Variants in MME observed in about 807,000 individuals in gnomAD.
MME encodes membrane metalloendopeptidase, also known as neprilysin.
In MME, 98 loss-of-function variants were observed where a neutral mutation model predicts 113.2. The ratio of observed to expected loss-of-function variants is 0.87; its 90% CI spans 0.74 to 1.02. The LOEUF is 1.02. Among genes scored for constraint, MME ranks in the 50% least tolerant of loss-of-function variants. The pLI is 0.00. For synonymous variants in MME, 292 were observed against 300.6 expected, an observed-to-expected ratio of 0.97 and a Z score of 0.30; for missense variants, 836 against 896.0, an observed-to-expected ratio of 0.93 and a Z score of 0.86.
chr3:155,127,251 G>T (rs1576619313), intron 8 of MME, among the ~76,000 whole-genome samples: 1 of 152,180 alleles, frequency 6.6e-6, no homozygotes. Context: ...TCCAGATGAG[G>T]CAGGAAGCTC....
intron 17 of MME, among the ~76,000 whole-genome samples, chr3:155,161,424 G>C (rs1353250230): frequency 1.3e-5 from 2 of 151,854 alleles, no homozygotes; most frequent in Non-Finnish European, 2.9e-5. Flanking sequence ...AGAGTCTGTT[G>C]TAAGCCTCAT....
rs568759368 is a variant in MME, at chr3:155,074,585, C to T, written c.-10-9573C>T. 2.7e-4 allele frequency among the ~76,000 whole-genome samples: 41 copies of T among 152,122 alleles called. No homozygotes were observed. The South Asian group carries it at 6.9e-3, about 25-fold the overall frequency. The stretch of plus-strand genomic sequence containing the variant: ...TAGCTGGGATTACAAGCACGTGCCA[C>T]GACACCCATCAGATTTTTGTATTTT... On this transcript the variant is annotated intron_variant, in intron 1 of 22. Coordinates refer to the MME transcript ENST00000492661.
chr3:155,182,933 G>A lies in MME; in HGVS notation c.*2474G>A, dbSNP rs886204035. 2.6e-5 allele frequency: 4 copies of A among 152,162 alleles called. No homozygotes were observed. Among genetic ancestry groups the A allele is most frequent in the East Asian group, 1.9e-4 (1 of 5,194 alleles). 9.4% of individuals were successfully genotyped at this position (152,162 alleles called of 1,614,324 possible). A position where few individuals can be genotyped will look rare whatever the true frequency, so the allele number is the denominator to read the frequency against. ...CTTCTGATGTCTCTAAAGCACTACC[G>A]ATTCTTTGGAGTTGTCACATCAGAT... On this transcript the variant is annotated 3_prime_UTR_variant, in exon 23 of 23. Transcript: ENST00000360490.
Position 155,140,264 on chromosome 3 carries a change from A to G in MME, c.929A>G (p.Asn310Ser), listed in dbSNP as rs1243617348. 1 of 1,612,504 alleles carries G rather than the reference A, an allele frequency of 6.2e-7. No homozygotes were observed. Among genetic ancestry groups the G allele is most frequent in the South Asian group, 1.1e-5 (1 of 91,040 alleles). Reference sequence around the variant, plus strand: ...AAGATGACATTGGCCCAGATCCAAAATAACTTTTCACTAGAGATCAATGGG... The same window carrying G: ...AAGATGACATTGGCCCAGATCCAAAGTAACTTTTCACTAGAGATCAATGGG... ...YNKMTLAQIQ[N>S]NFSLEINGKP... is the part of the protein sequence containing the mutation. Residue 310 changes from asparagine (N) to serine (S), a missense_variant, in exon 10 of 23, where the codon AAT becomes AGT. By Grantham distance (46) the Asn-to-Ser change is conservative (BLOSUM62 1). Coordinates refer to ENST00000360490, the MANE Select transcript of MME (RefSeq NM_007289.4).
At chr3:155,079,468 G>A (rs1397653243), upstream of MME, among the ~76,000 whole-genome samples, 1 of 152,066 alleles carries the variant, frequency 6.6e-6, no homozygotes, top group Non-Finnish European at 1.5e-5. Context: ...GGTGAGATGG[G>A]GGGTGGGGAG....
chr3:155,139,164 A>G (rs1000771323), intron 9 of MME, among the ~76,000 whole-genome samples: 3 of 152,154 alleles, frequency 2.0e-5, no homozygotes, highest in African/African-American at 7.2e-5. Context: ...TCTGTGTTGG[A>G]AACAGACTTG....
intron 3 of MME, among the ~76,000 whole-genome samples, chr3:155,111,771 C>A (rs2088683311): frequency 6.6e-6 from 1 of 152,054 alleles, no homozygotes; most frequent in Non-Finnish European, 1.5e-5. Context: ...GCTTTCATTT[C>A]CCCAGAAAGA....
intron 1 of MME, among the ~76,000 whole-genome samples, chr3:155,043,503 T>C (rs987939157): frequency 2.6e-5 from 4 of 151,980 alleles, no homozygotes; most frequent in Admixed American, 6.6e-5. Flanking sequence ...CGGCCAATTA[T>C]GTATTTTTAG....
chr3:155,140,504 C>T (rs1720997849), intron 10 of MME, among the ~76,000 whole-genome samples: 2 of 148,780 alleles, frequency 1.3e-5, no homozygotes, highest in Admixed American at 1.4e-4. Context: ...GTAACGTCCA[C>T]CTCCCAGGCT....
At chr3:155,085,764 C>T (rs1368481874) in intron 3 of MME, 1 of 152,332 alleles carries the variant, frequency 6.6e-6, no homozygotes, top group East Asian at 1.9e-4. Context: ...CTCCTGCCCT[C>T]AGGTGATCTG....
At chr3:155,077,354 G>A (rs1714781209), upstream of MME, among the ~76,000 whole-genome samples, 1 of 152,080 alleles carries the variant, frequency 6.6e-6, no homozygotes, top group South Asian at 2.1e-4. Flanking sequence ...GCCACCAGGA[G>A]GGCTACTTTC....
At chr3:155,094,017 T>C (rs1716513492) in intron 3 of MME, among the ~76,000 whole-genome samples, 1 of 152,232 alleles carries the variant, frequency 6.6e-6, no homozygotes, top group Admixed American at 6.5e-5. Context: ...TTATTTTATG[T>C]ATCCCTCTAA....
At position 155,142,223 on chromosome 3, in the gene MME, T is replaced by C. The variant is rs750991929; in HGVS notation, c.1095-14T>C. On this transcript the variant is annotated splice_polypyrimidine_tract_variant and intron_variant, in intron 11 of 22. Transcript: ENST00000360490. ...CATCTTTTCTGTTGCTGGGCGGTGG[T>C]TTTTTTTATACAGAGATCTTCAAAA... 1.2e-6 allele frequency: 2 copies of C among 1,611,380 alleles called. No homozygotes were observed. Among genetic ancestry groups the C allele is most frequent in the Non-Finnish European group, 1.7e-6 (2 of 1,177,814 alleles).
intron 12 of MME, among the ~76,000 whole-genome samples, 171 bp from the exon 13 acceptor site, chr3:155,143,272 G>A (rs150450931): frequency 2.2e-4 from 33 of 152,140 alleles, no homozygotes; most frequent in Admixed American, 1.9e-3. Context: ...TCATATATAA[G>A]TAAACAATCC....
At chr3:155,106,587 G>A (rs1717709568) in intron 3 of MME, among the ~76,000 whole-genome samples, 1 of 152,076 alleles carries the variant, frequency 6.6e-6, no homozygotes, top group Non-Finnish European at 1.5e-5. Context: ...AATCCTTTGT[G>A]ACCCGTTGTG....
chr3:155,034,718 A>ACTGC (rs2108115911), intron 1 of MME, among the ~76,000 whole-genome samples: 1 of 152,332 alleles, frequency 6.6e-6, no homozygotes, highest in South Asian at 2.1e-4. Flanking sequence ...CGATATACTC[A>ACTGC]CTGCCTCTTC....
intron 1 of MME, among the ~76,000 whole-genome samples, chr3:155,050,490 A>G (rs535790719): frequency 1.3e-5 from 2 of 152,158 alleles, no homozygotes; most frequent in Admixed American, 1.3e-4. Context: ...CCTTGCCAGT[A>G]TGTTATTTTT....
intron 3 of MME, among the ~76,000 whole-genome samples, chr3:155,102,185 C>A (rs1409269664): frequency 2.0e-5 from 3 of 152,054 alleles, no homozygotes; most frequent in South Asian, 2.1e-4. Context: ...TTTTAAGATT[C>A]CGATACAGTG....
chr3:155,145,427 G>A (rs1431371811), intron 14 of MME, among the ~76,000 whole-genome samples: 1 of 151,994 alleles, frequency 6.6e-6, no homozygotes. Context: ...CCTAGGGTGT[G>A]ATTTTATTAT....
Sources: allele counts gnomAD v4.1 joint callset (sites outside exome capture counted in the v4.1 genomes callset), GRCh38; gene constraint gnomAD v4.1.1; transcripts MANE v1.5; gene names NCBI Gene and HGNC (gene_info 2026-07-23, HGNC 2026-07-21).